RYR3: variants seen among roughly 807,000 people sequenced by gnomAD.
RYR3 encodes brain ryanodine receptor-calcium release channel.
A neutral mutation model predicts 584.3 loss-of-function variants in RYR3; 207 were observed. The observed-to-expected ratio is 0.35, with a 90% CI of 0.32 to 0.40. The LOEUF is 0.40. Ranked by LOEUF, RYR3 falls within the 10% of genes least tolerant of loss-of-function variation. RYR3 has a pLI of 1.00. For synonymous variants in RYR3, 2,416 were observed against 2,248.5 expected (o/e 1.07, Z -2.11); for missense variants, 5,616 against 6,089.2 (o/e 0.92, Z 2.59).
intron 1 of RYR3, among the ~76,000 whole-genome samples, chr15:33,464,515 C>CT (rs2048334042): frequency 7.7e-6 from 1 of 130,346 alleles, no homozygotes; most frequent in African/African-American, 2.8e-5. Flanking sequence ...CATACACATA[C>CT]ACATATATGT....
At chr15:33,664,850 TCCTAA>T (rs765698808) in intron 36 of RYR3, among the ~76,000 whole-genome samples, 1 of 152,036 alleles carries the variant, frequency 6.6e-6, no homozygotes, top group East Asian at 1.9e-4. Flanking sequence ...CCAATTACTT[TCCTAA>T]CCTATTTTAA....
intron 98 of RYR3, chr15:33,856,054 A>G (rs1033684281): frequency 6.6e-6 from 1 of 152,156 alleles, no homozygotes; most frequent in Non-Finnish European, 1.5e-5. Context: ...ACTACCTGGT[A>G]AGGCACACGT....
rs538275647 is a variant in RYR3, at chr15:33,561,640, T to C, written c.973-1197T>C. Reference sequence around the variant, plus strand: ...ATTAAGAATGAGAAGAATGTGGGGGTCGAGGTGGGTGGATTGCTTGAGCCT... The same window carrying C: ...ATTAAGAATGAGAAGAATGTGGGGGCCGAGGTGGGTGGATTGCTTGAGCCT... On this transcript the variant is annotated intron_variant, in intron 10 of 103. Transcript: ENST00000634891. Among the ~76,000 whole-genome samples the C allele has an allele frequency of 6.6e-5, 10 of 151,920 alleles. No individual in the cohort carries two copies. The South Asian group carries it at 2.1e-3, about 32-fold the overall frequency.
chr15:33,349,113 T>G (rs919541343), intron 1 of RYR3, among the ~76,000 whole-genome samples: 3 of 151,424 alleles, frequency 2.0e-5, no homozygotes, highest in Non-Finnish European at 2.9e-5. Context: ...TGCCTTTTTT[T>G]TTTTTTTTTT....
At chr15:33,802,409 C>T (rs1371978097) in intron 69 of RYR3, among the ~76,000 whole-genome samples, 1 of 152,180 alleles carries the variant, frequency 6.6e-6, no homozygotes, top group Non-Finnish European at 1.5e-5. Context: ...ATATCCAATA[C>T]CTGTTTTATT....
rs886119758 is a variant in RYR3, at chr15:33,857,669, C to T, written c.14008-111C>T. ...CCGCCCTCCACCCCTTCCCCATTTC[C>T]TCTCCTTGCCCGTCCTCACTCTTCC... is the stretch of plus-strand genomic sequence containing the variant. On this transcript the variant is annotated intron_variant, in intron 98 of 103. Transcript: ENST00000634891. The T allele has an allele frequency of 1.6e-5, 22 of 1,383,522 alleles. 1 individual carries two copies. Among genetic ancestry groups the T allele is most frequent in the Middle Eastern group, 3.7e-4 (2 of 5,430 alleles). The allele number at this position is 1,383,522 out of a possible 1,614,324, so 85.7% of individuals were successfully genotyped here.
Position 33,756,783 on chromosome 15 carries a change from C to T in RYR3, c.8583+410C>T, listed in dbSNP as rs1286935026. On this transcript the variant is annotated intron_variant, in intron 59 of 103. Coordinates refer to ENST00000634891, the MANE Select transcript of RYR3 (RefSeq NM_001036.6). ...TGACCCCAGGCAGTATGTCTGGGGT[C>T]AATAAGGTGAGAGATGACAGGTTTA... is the stretch of plus-strand genomic sequence containing the variant. Among the ~76,000 whole-genome samples the T allele has an allele frequency of 2.6e-5, 4 of 152,164 alleles. No homozygotes were observed. In the East Asian group the frequency reaches 7.8e-4, roughly 30 times the overall value.
intron 1 of RYR3, among the ~76,000 whole-genome samples, chr15:33,340,361 T>C (rs1053587552): frequency 6.6e-6 from 1 of 152,222 alleles, no homozygotes; most frequent in Non-Finnish European, 1.5e-5. Context: ...TCTTTTGATG[T>C]TGGAGGCTTG....
At chr15:33,785,085 T>C (rs2074622234) in intron 65 of RYR3, among the ~76,000 whole-genome samples, 1 of 152,180 alleles carries the variant, frequency 6.6e-6, no homozygotes, top group South Asian at 2.1e-4. Context: ...TCATTTCTAT[T>C]GTGAAGCCAG....
At chr15:33,417,334 T>C (rs973613510) in intron 1 of RYR3, among the ~76,000 whole-genome samples, 2 of 152,228 alleles carry the variant, frequency 1.3e-5, no homozygotes, top group Non-Finnish European at 2.9e-5. Flanking sequence ...GGAATGTCTC[T>C]CCATTTGTTT....
At chr15:33,466,682 C>CT (rs1443487967) in intron 1 of RYR3, among the ~76,000 whole-genome samples, 2 of 152,120 alleles carry the variant, frequency 1.3e-5, no homozygotes, top group African/African-American at 4.8e-5. Context: ...TCTCATGGGT[C>CT]TATTGTAGAA....
intron 38 of RYR3, among the ~76,000 whole-genome samples, chr15:33,672,972 T>A (rs1384592924): frequency 6.6e-6 from 1 of 152,196 alleles, no homozygotes; most frequent in Non-Finnish European, 1.5e-5. Flanking sequence ...GTCACCAACC[T>A]AAGGTACGTA....
At chr15:33,621,367 C>A (rs1427172579) in intron 19 of RYR3, among the ~76,000 whole-genome samples, 1 of 152,216 alleles carries the variant, frequency 6.6e-6, no homozygotes, top group African/African-American at 2.4e-5. Context: ...CACACTAATT[C>A]TTTGCCCAGA....
intron 85 of RYR3, among the ~76,000 whole-genome samples, chr15:33,827,672 T>G (rs2077450443): frequency 6.6e-6 from 1 of 152,206 alleles, no homozygotes; most frequent in Non-Finnish European, 1.5e-5. Context: ...GTTTACAAGT[T>G]CGTGTTGAGA....
chr15:33,528,780 C>G (rs1183714653), intron 3 of RYR3, among the ~76,000 whole-genome samples: 1 of 152,204 alleles, frequency 6.6e-6, no homozygotes, highest in Non-Finnish European at 1.5e-5. Flanking sequence ...CATTCTAGCA[C>G]TTGAAGCTTG....
intron 55 of RYR3, among the ~76,000 whole-genome samples, chr15:33,748,841 C>A (rs1290035767): frequency 6.6e-6 from 1 of 152,050 alleles, no homozygotes; most frequent in East Asian, 1.9e-4. Context: ...CCACAGATAC[C>A]AAAACCCACG....
At chr15:33,694,138 A>C (rs1596191797) in intron 38 of RYR3, among the ~76,000 whole-genome samples, 1 of 150,934 alleles carries the variant, frequency 6.6e-6, no homozygotes, top group East Asian at 2.0e-4. Flanking sequence ...GAAGCCAGGC[A>C]CTATCATCCT....
At position 33,854,446 on chromosome 15, in the gene RYR3, C is replaced by A; in HGVS notation, c.13857C>A (p.Asp4619Glu). 1 of 1,571,382 alleles carries A rather than the reference C, an allele frequency of 6.4e-7. No homozygotes were observed. Among genetic ancestry groups the A allele is most frequent in the Non-Finnish European group, 8.6e-7 (1 of 1,157,072 alleles). ...HIWKLGVVFT[D>E]NSFLYLAWYT... ...GGAAGCTTGGAGTTGTTTTTACTGA[C>A]AACGTAAGTACTGCACCTGGAAAAA... The change falls in exon 97 of 104, where the codon GAC becomes GAA. Residue 4619 changes from aspartate (D) to glutamate (E), a missense_variant. Physicochemically the swap from Asp to Glu is conservative, Grantham distance 45. This residue lies in a region of RYR3 where 918 missense variants were observed against 887.4 expected (regional missense o/e 1.03). Coordinates refer to ENST00000634891, the MANE Select transcript of RYR3 (RefSeq NM_001036.6).
rs375735473 is a variant in RYR3, at chr15:33,709,445, A to G, written c.6619+2391A>G. On this transcript the variant is annotated intron_variant, in intron 43 of 103. Coordinates refer to ENST00000634891, the MANE Select transcript of RYR3 (RefSeq NM_001036.6). ...AAAGCATGCTGTGCTCAGGAAACCT[A>G]GTGCTATTGTTTAAATGTGTCCCCT... is the stretch of plus-strand genomic sequence containing the variant. Among the ~76,000 whole-genome samples, 8 of 152,356 alleles carry G rather than the reference A, an allele frequency of 5.3e-5. No individual in the cohort carries two copies. In the South Asian group the frequency reaches 1.7e-3, roughly 32 times the overall value.
Sources: allele counts gnomAD v4.1 joint callset (sites outside exome capture counted in the v4.1 genomes callset), GRCh38; gene constraint gnomAD v4.1.1; regional missense constraint gnomAD v4.1.1; transcripts MANE v1.5; gene names NCBI Gene and HGNC (gene_info 2026-07-23, HGNC 2026-07-21).